Variants in PBX1 observed in about 807,000 individuals in gnomAD.
PBX1 encodes the protein PBX homeobox 1.
Under a neutral mutation model 53.4 loss-of-function variants are expected in PBX1, and 6 were observed. The ratio of observed to expected loss-of-function variants is 0.11; its 90% CI spans 0.06 to 0.22. The LOEUF is 0.22. Among genes scored for constraint, PBX1 ranks in the 10% least tolerant of loss-of-function variants. The pLI is 1.00. For synonymous variants in PBX1, 204 were observed against 212.3 expected (o/e 0.96, Z 0.34); for missense variants, 251 against 551.4 (o/e 0.46, Z 5.46).
rs558606657 is a variant in PBX1 at position 164,781,197 on chromosome 1, G to A, written c.266-11297G>A. Among the ~76,000 whole-genome samples the A allele has an allele frequency of 9.2e-5, 14 of 152,210 alleles. No individual in the cohort carries two copies. The South Asian group carries it at 2.7e-3, about 29-fold the overall frequency. ...GTCACAGGTGTTGTTTGTGGTCATG[G>A]AAAAAGAAAAGCTAATTGGCGTGTG... On this transcript the variant is annotated intron_variant, in intron 2 of 8. Transcript: ENST00000420696.
intron 2 of PBX1, among the ~76,000 whole-genome samples, chr1:164,660,931 G>C (rs1660452033): frequency 6.6e-6 from 1 of 152,082 alleles, no homozygotes; most frequent in Non-Finnish European, 1.5e-5. Flanking sequence ...CTTACTGGTG[G>C]AGCCAAGCAC....
chr1:164,719,246 G>A (rs1370659691), intron 2 of PBX1, among the ~76,000 whole-genome samples: 1 of 152,186 alleles, frequency 6.6e-6, no homozygotes, highest in African/African-American at 2.4e-5. Context: ...TTTAAATCTG[G>A]GGTAGGGTTA....
chr1:164,621,230 G>C (rs924630090), intron 2 of PBX1, among the ~76,000 whole-genome samples: 1 of 150,682 alleles, frequency 6.6e-6, no homozygotes, highest in Non-Finnish European at 1.5e-5. Flanking sequence ...CTTGTGATCC[G>C]CCTGCCTCAG....
At chr1:164,679,027 ATCT>A (rs917332067) in intron 2 of PBX1, among the ~76,000 whole-genome samples, 2 of 152,220 alleles carry the variant, frequency 1.3e-5, no homozygotes, top group Non-Finnish European at 2.9e-5. Flanking sequence ...TTCTACATGT[ATCT>A]TCTTGTATCA....
At chr1:164,870,020 G>A (rs192004679) in intron 2 of PBX1, among the ~76,000 whole-genome samples, 2 of 152,270 alleles carry the variant, frequency 1.3e-5, no homozygotes, top group Non-Finnish European at 2.9e-5. Flanking sequence ...TTCACAGCCA[G>A]GACTACGAAT....
intron 2 of PBX1, chr1:164,642,080 G>A (rs1659178459): frequency 6.6e-6 from 1 of 152,080 alleles, no homozygotes; most frequent in Admixed American, 6.6e-5. Context: ...GTCCAGGTTA[G>A]CAGTGTTCTA....
At chr1:164,652,676 C>CT (rs1484653374) in intron 2 of PBX1, among the ~76,000 whole-genome samples, 2 of 152,034 alleles carry the variant, frequency 1.3e-5, no homozygotes, top group Admixed American at 6.6e-5. Context: ...GATAAATAAG[C>CT]TTGTGAATTT....
intron 2 of PBX1, among the ~76,000 whole-genome samples, chr1:164,769,560 G>C (rs1478806360): frequency 6.6e-6 from 1 of 152,154 alleles, no homozygotes; most frequent in Non-Finnish European, 1.5e-5. Flanking sequence ...GACCAGATGA[G>C]GTCTTGTGTG....
intron 2 of PBX1, among the ~76,000 whole-genome samples, chr1:164,779,610 A>G (rs992606940): frequency 6.6e-6 from 1 of 152,230 alleles, no homozygotes; most frequent in Non-Finnish European, 1.5e-5. Context: ...CCCAGAAAGC[A>G]TGAGCCCCTG....
At position 164,850,019 on chromosome 1, in the gene PBX1, A is replaced by G; in HGVS notation, c.*3343A>G. 1 of 227,236 alleles carries G rather than the reference A, an allele frequency of 4.4e-6. No homozygotes were observed. The highest frequency in any genetic ancestry group is 6.3e-5 in the East Asian group (1 of 15,784). 14.1% of individuals were successfully genotyped at this position (227,236 alleles called of 1,614,324 possible). A position where few individuals can be genotyped will look rare whatever the true frequency, so the allele number is the denominator to read the frequency against. On this transcript the variant is annotated 3_prime_UTR_variant, in exon 9 of 9. Transcript: ENST00000420696. ...ATTGATGATGAACATTTGATAATGA[A>G]TGTTCTTGTATATTCAGATAAAGAA...
chr1:164,788,757 C>CG (rs571993964), intron 2 of PBX1, among the ~76,000 whole-genome samples: 58 of 137,814 alleles, frequency 4.2e-4, no homozygotes, highest in East Asian at 3.7e-3. Context: ...CGCCCTCCCC[C>CG]CCCCGCCCTT....
intron 2 of PBX1, among the ~76,000 whole-genome samples, chr1:164,672,322 A>G (rs1191362396): frequency 1.3e-5 from 2 of 151,418 alleles, no homozygotes; most frequent in East Asian, 1.9e-4. Context: ...GACATTTAAC[A>G]CCCTTCCAGA....
intron 2 of PBX1, among the ~76,000 whole-genome samples, chr1:164,766,706 TCTTTC>T (rs1441136483): frequency 6.6e-6 from 1 of 151,016 alleles, no homozygotes; most frequent in African/African-American, 2.4e-5. Flanking sequence ...AATTTTCTTT[TCTTTC>T]CTTTTCTTTT....
intron 2 of PBX1, among the ~76,000 whole-genome samples, chr1:164,871,200 C>G (rs749050338): frequency 2.6e-5 from 4 of 152,088 alleles, no homozygotes; most frequent in Admixed American, 6.5e-5. Flanking sequence ...AGTAAGGTTA[C>G]AAAAATTGTA....
At chr1:164,621,681 T>A (rs1461262186) in intron 2 of PBX1, among the ~76,000 whole-genome samples, 1 of 152,104 alleles carries the variant, frequency 6.6e-6, no homozygotes, top group African/African-American at 2.4e-5. Flanking sequence ...ACGTCCAGGG[T>A]GCACATTTAG....
At chr1:164,783,124 C>A (rs1668011716) in intron 2 of PBX1, among the ~76,000 whole-genome samples, 2 of 152,234 alleles carry the variant, frequency 1.3e-5, no homozygotes, top group African/African-American at 4.8e-5. Flanking sequence ...CTCTGCCAGG[C>A]CAGGAGGATG....
At chr1:164,786,976 A>G (rs1385144168) in intron 2 of PBX1, among the ~76,000 whole-genome samples, 1 of 152,162 alleles carries the variant, frequency 6.6e-6, no homozygotes, top group African/African-American at 2.4e-5. Flanking sequence ...AGTGCGTGCA[A>G]GTACTTTATG....
intron 2 of PBX1, among the ~76,000 whole-genome samples, chr1:164,660,318 C>G (rs1206349332): frequency 1.3e-5 from 2 of 152,140 alleles, no homozygotes; most frequent in Non-Finnish European, 2.9e-5. Context: ...GTGGGACATG[C>G]TGGGGCCTGG....
chr1:164,837,654 G>C (rs1456075497), intron 8 of PBX1, among the ~76,000 whole-genome samples: 1 of 152,174 alleles, frequency 6.6e-6, no homozygotes, highest in Admixed American at 6.5e-5. Flanking sequence ...AGGCACCTTT[G>C]TTTAGCTAAA....
Sources: gnomAD v4.1 joint callset for allele counts (sites outside exome capture counted in the v4.1 genomes callset) on GRCh38, gnomAD v4.1.1 for gene constraint, MANE v1.5 for transcripts, NCBI Gene and HGNC (gene_info 2026-07-23, HGNC 2026-07-21) for gene names.